GRIK2: variants seen among roughly 807,000 people sequenced by gnomAD.
GRIK2 encodes glutamate ionotropic receptor kainate type subunit 2.
A neutral mutation model predicts 100.3 loss-of-function variants in GRIK2; 32 were observed. That is an observed-to-expected ratio of 0.32 (90% CI 0.24 to 0.43). The LOEUF is 0.43. Ranked by LOEUF, GRIK2 falls within the 20% of genes least tolerant of loss-of-function variation. GRIK2 has a pLI of 1.00. For synonymous variants in GRIK2, 417 were observed against 389.4 expected, an observed-to-expected ratio of 1.07 and a Z score of -0.83; for missense variants, 843 against 1,114.9, an observed-to-expected ratio of 0.76 and a Z score of 3.47.
At chr6:101,989,306 A>C (rs955272186) in intron 14 of GRIK2, among the ~76,000 whole-genome samples, 1 of 151,866 alleles carries the variant, frequency 6.6e-6, no homozygotes, top group Non-Finnish European at 1.5e-5. Flanking sequence ...ATATCCTTGC[A>C]AATAGTCCAC....
intron 12 of GRIK2, among the ~76,000 whole-genome samples, chr6:101,895,117 C>T (rs2518205): frequency 6.6e-6 from 1 of 151,478 alleles, no homozygotes; most frequent in East Asian, 1.9e-4. Context: ...TGATTAGGGT[C>T]AAATAGAGGA....
intron 14 of GRIK2, among the ~76,000 whole-genome samples, chr6:101,960,001 T>A (rs988377): frequency 0.47 from 69,070 of 147,906 alleles, 16,187 homozygotes; most frequent in South Asian, 0.52. Context: ...AATTCATAGG[T>A]TTGGTTACTT....
intron 14 of GRIK2, among the ~76,000 whole-genome samples, chr6:101,996,181 G>T (rs533234473): frequency 3.3e-5 from 5 of 152,000 alleles, no homozygotes; most frequent in Admixed American, 6.6e-5. Context: ...CTATGCCGAA[G>T]TTCATTTCTA....
chr6:101,481,918 G>A (rs767212349), intron 2 of GRIK2, among the ~76,000 whole-genome samples: 3 of 152,068 alleles, frequency 2.0e-5, no homozygotes, highest in Non-Finnish European at 4.4e-5. Flanking sequence ...GATTTTCTAC[G>A]TGTTTGATAG....
At chr6:101,695,501 A>T (rs1239571193) in intron 7 of GRIK2, among the ~76,000 whole-genome samples, 1 of 152,114 alleles carries the variant, frequency 6.6e-6, no homozygotes, top group Non-Finnish European at 1.5e-5. Context: ...ATATTTATCT[A>T]TTTAATCATA....
intron 7 of GRIK2, among the ~76,000 whole-genome samples, chr6:101,719,389 C>T (rs1462828649): frequency 6.6e-6 from 1 of 151,830 alleles, no homozygotes; most frequent in Non-Finnish European, 1.5e-5. Flanking sequence ...AAACTATATA[C>T]ATGACTTAGT....
At chr6:101,604,473 G>A (rs1246195683) in intron 2 of GRIK2, among the ~76,000 whole-genome samples, 4 of 151,762 alleles carry the variant, frequency 2.6e-5, no homozygotes, top group Admixed American at 1.3e-4. Flanking sequence ...AAGGCAAGAC[G>A]ATCTATAATT....
At chr6:101,980,878 C>T (rs191915298) in intron 14 of GRIK2, among the ~76,000 whole-genome samples, 181 of 148,356 alleles carry the variant, frequency 1.2e-3, no homozygotes, top group African/African-American at 4.2e-3. Context: ...AACCATTACC[C>T]TCCCATTTTT....
At chr6:101,784,935 C>T (rs1190965248) in intron 7 of GRIK2, among the ~76,000 whole-genome samples, 1 of 152,050 alleles carries the variant, frequency 6.6e-6, no homozygotes, top group African/African-American at 2.4e-5. Flanking sequence ...TATAAGAGTT[C>T]CTTTTTCTCC....
intron 2 of GRIK2, among the ~76,000 whole-genome samples, chr6:101,548,532 T>C (rs1179385321): frequency 1.3e-5 from 2 of 152,232 alleles, no homozygotes; most frequent in African/African-American, 4.8e-5. Flanking sequence ...TTCAGCTTTC[T>C]ACATATGGCT....
chr6:102,068,492 G>C lies in GRIK2; in HGVS notation c.2708G>C (p.Gly903Ala). 6.2e-7 allele frequency: 1 copy of C among 1,611,198 alleles called. No homozygotes were observed. Among genetic ancestry groups the C allele is most frequent in the Non-Finnish European group, 8.5e-7 (1 of 1,178,236 alleles). Residue 903 changes from glycine (G) to alanine (A), a missense_variant, in exon 17 of 17, where the codon GGT becomes GCT. By Grantham distance (60) the Gly-to-Ala change is moderately conservative. Transcript: ENST00000369134. Reference sequence around the variant, plus strand: ...ACATTTAACGACAGAAGGTTGCCAGGTAAAGAAACCATGGCATAAAGCTGG... The same window carrying C: ...ACATTTAACGACAGAAGGTTGCCAGCTAAAGAAACCATGGCATAAAGCTGG... ...MHTFNDRRLP[G>A]KETMA
At chr6:102,044,768 C>A (rs1403439064) in intron 15 of GRIK2, among the ~76,000 whole-genome samples, 1 of 151,996 alleles carries the variant, frequency 6.6e-6, no homozygotes, top group Non-Finnish European at 1.5e-5. Context: ...GATAACAATA[C>A]AAACAAGTTG....
chr6:101,652,235 G>A (rs774362403), intron 4 of GRIK2, among the ~76,000 whole-genome samples: 4 of 152,118 alleles, frequency 2.6e-5, no homozygotes, highest in African/African-American at 7.2e-5. Context: ...TAGAGATGGG[G>A]CCTTTGGGAA....
chr6:101,701,940 T>C (rs778657759), intron 7 of GRIK2, among the ~76,000 whole-genome samples: 4 of 151,970 alleles, frequency 2.6e-5, no homozygotes, highest in Non-Finnish European at 5.9e-5. Context: ...TTTGTAAGAG[T>C]AACCAAAGCT....
intron 7 of GRIK2, among the ~76,000 whole-genome samples, chr6:101,763,590 A>G (rs969784941): frequency 6.6e-6 from 1 of 152,228 alleles, no homozygotes; most frequent in Non-Finnish European, 1.5e-5. Flanking sequence ...ATGCCATTAA[A>G]TAAGTAACCA....
chr6:101,443,408 T>C (rs116041859), intron 2 of GRIK2, among the ~76,000 whole-genome samples: 1,895 of 152,182 alleles, frequency 0.012, 31 homozygotes, highest in African/African-American at 0.044. Context: ...AAATACCTAG[T>C]GATTGATAGA....
chr6:101,964,102 A>G (rs2061372197), intron 14 of GRIK2, among the ~76,000 whole-genome samples: 1 of 151,568 alleles, frequency 6.6e-6, no homozygotes, highest in Non-Finnish European at 1.5e-5. Context: ...TCTTAGAACA[A>G]TTTCTGGAGA....
chr6:101,506,944 C>T (rs535558678), intron 2 of GRIK2, among the ~76,000 whole-genome samples: 3 of 152,028 alleles, frequency 2.0e-5, no homozygotes, highest in African/African-American at 4.8e-5. Context: ...TGTTCACTTG[C>T]GTTATTCAGA....
chr6:101,642,714 C>G (rs1019690449), intron 4 of GRIK2, among the ~76,000 whole-genome samples: 3 of 151,608 alleles, frequency 2.0e-5, no homozygotes, highest in Non-Finnish European at 4.4e-5. Context: ...ACAAATATCT[C>G]TTTGAGGCCC....
Sources: gnomAD v4.1 joint callset for allele counts (sites outside exome capture counted in the v4.1 genomes callset) on GRCh38, gnomAD v4.1.1 for gene constraint, MANE v1.5 for transcripts, NCBI Gene and HGNC (gene_info 2026-07-23, HGNC 2026-07-21) for gene names.